The following DAB1 variants were observed in gnomAD, a reference collection of about 807,000 sequenced individuals.
DAB1 encodes the protein DAB adaptor protein 1.
Under a neutral mutation model 64.6 loss-of-function variants are expected in DAB1, and 15 were observed. The ratio of observed to expected loss-of-function variants is 0.23; its 90% CI spans 0.16 to 0.36. DAB1 has a LOEUF of 0.36. DAB1 is among the 10% of genes least tolerant of loss of function. The pLI is 1.00. For missense variants in DAB1, 596 were observed against 706.7 expected (o/e 0.84, Z 1.78); for synonymous variants, 235 against 251.9 (o/e 0.93, Z 0.64).
rs540578415 is a variant in DAB1, at chr1:57,890,073, G to A, written n.388-5911C>T. ...AAGAGTGGCAATGGAGCCCACGGTC[G>A]AGTGGGAGGAGCAAGTGGTGATTAA... On this transcript the variant is annotated intron_variant and non_coding_transcript_variant, in intron 5 of 20. Transcript: ENST00000485760. Among the ~76,000 whole-genome samples the A allele has an allele frequency of 1.4e-4, 22 of 152,210 alleles. No individual in the cohort carries two copies. In the South Asian group the frequency reaches 4.4e-3, roughly 30 times the overall value.
intron 6 of DAB1, among the ~76,000 whole-genome samples, chr1:57,789,482 C>T (rs1174389479): frequency 6.6e-6 from 1 of 152,106 alleles, no homozygotes; most frequent in Non-Finnish European, 1.5e-5. Context: ...GATCAGGGTG[C>T]CAGCATGGTT....
At chr1:57,815,639 A>T (rs1569766113) in intron 6 of DAB1, among the ~76,000 whole-genome samples, 1 of 150,810 alleles carries the variant, frequency 6.6e-6, no homozygotes. Flanking sequence ...TCATAAATGT[A>T]TTTTGTTTTC....
intron 5 of DAB1, among the ~76,000 whole-genome samples, chr1:58,045,853 T>C (rs1235242919): frequency 2.0e-5 from 3 of 152,100 alleles, no homozygotes; most frequent in Non-Finnish European, 4.4e-5. Flanking sequence ...AGCATAGAGA[T>C]GCAAGCTTTG....
chr1:57,604,092 T>C (rs1328060387), intron 7 of DAB1, among the ~76,000 whole-genome samples: 1 of 152,136 alleles, frequency 6.6e-6, no homozygotes, highest in Non-Finnish European at 1.5e-5. Context: ...GTCACCTCAA[T>C]GGGTATGACT....
intron 5 of DAB1, among the ~76,000 whole-genome samples, chr1:58,114,716 T>A: frequency 6.6e-6 from 1 of 152,166 alleles, no homozygotes; most frequent in East Asian, 1.9e-4. Flanking sequence ...ACGTAGAACA[T>A]TTTACAGCAG....
At chr1:57,651,675 AT>A (rs999138575) in intron 6 of DAB1, among the ~76,000 whole-genome samples, 14 of 152,084 alleles carry the variant, frequency 9.2e-5, no homozygotes, top group Non-Finnish European at 1.8e-4. Flanking sequence ...CAAAAAAAAA[AT>A]GACAGAAAGC....
intron 7 of DAB1, among the ~76,000 whole-genome samples, chr1:57,636,678 C>T (rs1360022987): frequency 6.6e-6 from 1 of 152,098 alleles, no homozygotes; most frequent in African/African-American, 2.4e-5. Context: ...CAGGGTGGGT[C>T]AAAGGTGGCT....
chr1:57,683,248 C>T (rs972302747), intron 6 of DAB1, among the ~76,000 whole-genome samples: 11 of 152,142 alleles, frequency 7.2e-5, no homozygotes, highest in Non-Finnish European at 1.0e-4. Context: ...CTTGAAAGAA[C>T]GTGGTCTATC....
intron 3 of DAB1, among the ~76,000 whole-genome samples, chr1:58,389,717 T>C (rs1644461247): frequency 6.6e-6 from 1 of 152,178 alleles, no homozygotes; most frequent in Non-Finnish European, 1.5e-5. Flanking sequence ...ATTATTGTTG[T>C]TATTTGTATT....
At chr1:57,636,114 C>CAAAAA (rs879722073) in intron 7 of DAB1, among the ~76,000 whole-genome samples, 19 of 124,224 alleles carry the variant, frequency 1.5e-4, no homozygotes, top group African/African-American at 5.4e-4. Flanking sequence ...AAAAAAAAAA[C>CAAAAA]AAAAACAAAA....
rs752175376 is a variant in DAB1 at position 57,291,046 on chromosome 1, G to A, written c.-16C>T. The A allele has an allele frequency of 1.6e-5, 26 of 1,600,628 alleles. 1 individual carries two copies. The South Asian group carries it at 2.3e-4, about 14-fold the overall frequency. ...CAGTTGACATCCTACTTAATCCTTA[G>A]TCCACTTCACACAGATCCCGGGCCT... On this transcript the variant is annotated 5_prime_UTR_variant, in exon 2 of 15. Coordinates refer to ENST00000371236, the MANE Select transcript of DAB1 (RefSeq NM_001365792.1).
chr1:57,866,702 A>C (rs1654317059), intron 1 of DAB1, among the ~76,000 whole-genome samples: 1 of 152,208 alleles, frequency 6.6e-6, no homozygotes, highest in South Asian at 2.1e-4. Flanking sequence ...GTCTGCACAG[A>C]GGAAGCACTC....
At chr1:57,344,291 A>G (rs1677908181) in intron 1 of DAB1, among the ~76,000 whole-genome samples, 1 of 152,182 alleles carries the variant, frequency 6.6e-6, no homozygotes, top group Non-Finnish European at 1.5e-5. Flanking sequence ...CTTCTAGAAC[A>G]TCATTCTCCT....
intron 6 of DAB1, among the ~76,000 whole-genome samples, chr1:57,744,112 T>C (rs1013997387): frequency 1.3e-5 from 2 of 152,352 alleles, no homozygotes; most frequent in Admixed American, 1.3e-4. Flanking sequence ...ATTTTGTTTA[T>C]GGCCAGTTTT....
At chr1:57,375,605 CCAGA>C (rs1345980692) in intron 1 of DAB1, among the ~76,000 whole-genome samples, 1 of 152,106 alleles carries the variant, frequency 6.6e-6, no homozygotes, top group Non-Finnish European at 1.5e-5. Flanking sequence ...GCATTTGAAT[CCAGA>C]CAGTCTTGTC....
chr1:57,114,156 G>C (rs1401464341), intron 4 of DAB1, among the ~76,000 whole-genome samples: 5 of 152,234 alleles, frequency 3.3e-5, no homozygotes, highest in Admixed American at 2.6e-4. Context: ...CAGCCAATTT[G>C]TATTTAGGAT....
chr1:57,494,253 A>ATT (rs11379381), intron 7 of DAB1, among the ~76,000 whole-genome samples: 101 of 147,504 alleles, frequency 6.8e-4, no homozygotes, highest in Middle Eastern at 3.5e-3. Context: ...AATTGTTACA[A>ATT]TTTTTTTTTT....
intron 7 of DAB1, chr1:57,605,841 G>C (rs555735377): frequency 1.1e-5 from 6 of 558,556 alleles, no homozygotes; most frequent in African/African-American, 7.6e-5. Flanking sequence ...TATTAAGACA[G>C]TTGACTTAAG....
chr1:58,423,888 C>A (rs577017464), intron 3 of DAB1, among the ~76,000 whole-genome samples: 29 of 152,318 alleles, frequency 1.9e-4, no homozygotes, highest in African/African-American at 6.5e-4. Context: ...ATTAAATAAT[C>A]TCTTTAGTTA....
Sources: allele counts gnomAD v4.1 joint callset (sites outside exome capture counted in the v4.1 genomes callset), GRCh38; gene constraint gnomAD v4.1.1; transcripts MANE v1.5; gene names NCBI Gene and HGNC (gene_info 2026-07-23, HGNC 2026-07-21).